The following KIF26B variants were observed in gnomAD, a reference collection of about 807,000 sequenced individuals.
KIF26B encodes kinesin family member 26B.
A neutral mutation model predicts 151.2 loss-of-function variants in KIF26B; 63 were observed. The observed-to-expected ratio is 0.42, with a 90% CI of 0.34 to 0.51. The LOEUF (loss-of-function observed/expected upper bound fraction) is 0.51, where lower values mean the gene tolerates loss of function less well. Ranked by LOEUF, KIF26B falls within the 20% of genes least tolerant of loss-of-function variation. The probability of loss-of-function intolerance (pLI) is 0.07; values close to 1 mark genes in which losing one functional copy is unlikely to be tolerated. For missense variants in KIF26B, 2,813 were observed against 2,913.6 expected (o/e 0.97, Z 0.79); for synonymous variants, 1,357 against 1,262.1 (o/e 1.08, Z -1.59).
intron 3 of KIF26B, among the ~76,000 whole-genome samples, chr1:245,389,966 A>C (rs140432449): frequency 3.5e-3 from 532 of 152,314 alleles, no homozygotes; most frequent in Non-Finnish European, 5.3e-3. Flanking sequence ...CTGAGTCCCT[A>C]AGACCCTTTC....
intron 2 of KIF26B, among the ~76,000 whole-genome samples, chr1:245,160,006 C>T (rs953705271): frequency 2.0e-5 from 3 of 152,132 alleles, no homozygotes; most frequent in Admixed American, 6.5e-5. Context: ...TTCCATGCAG[C>T]GAGTCTGAGC....
At chr1:245,324,537 A>G (rs186838393) in intron 2 of KIF26B, among the ~76,000 whole-genome samples, 1 of 152,198 alleles carries the variant, frequency 6.6e-6, no homozygotes, top group East Asian at 1.9e-4. Flanking sequence ...TGTCGAGAAT[A>G]AAATGAAGCT....
chr1:245,521,118 A>T (rs1661091993), intron 4 of KIF26B, among the ~76,000 whole-genome samples: 1 of 152,166 alleles, frequency 6.6e-6, no homozygotes, highest in Non-Finnish European at 1.5e-5. Context: ...CGGGCGGATC[A>T]CGAGGTCAGG....
chr1:245,190,351 A>T (rs572855558), intron 2 of KIF26B, among the ~76,000 whole-genome samples: 5 of 152,220 alleles, frequency 3.3e-5, no homozygotes, highest in African/African-American at 1.2e-4. Context: ...CCTAGGTCTT[A>T]TCAGAACTAA....
At chr1:245,265,089 G>GT (rs1475475095) in intron 2 of KIF26B, among the ~76,000 whole-genome samples, 1 of 150,260 alleles carries the variant, frequency 6.7e-6, no homozygotes, top group East Asian at 2.0e-4. Context: ...GTAGTCCCAG[G>GT]TACTCGGGAG....
rs747270986 is a variant in KIF26B, at chr1:245,698,065, A to G, written c.5825-41A>G. On this transcript the variant is annotated intron_variant, in intron 12 of 14. Coordinates refer to ENST00000407071, the MANE Select transcript of KIF26B (RefSeq NM_018012.4). The surrounding 1 kb of genome is among the most constrained non-coding windows in gnomAD (Gnocchi z 4.0). ...TCAAAAAAACAACAAAAAAATTGAAATTCAGAAAGACTAACTCTCTGGGCT... is the reference window on the plus strand; with the variant it reads ...TCAAAAAAACAACAAAAAAATTGAAGTTCAGAAAGACTAACTCTCTGGGCT... 1 of 1,558,754 alleles carries G rather than the reference A, an allele frequency of 6.4e-7. No individual in the cohort carries two copies. The highest frequency in any genetic ancestry group is 1.2e-5 in the South Asian group (1 of 84,526).
intron 3 of KIF26B, among the ~76,000 whole-genome samples, chr1:245,393,831 C>T (rs549012916): frequency 6.6e-6 from 1 of 152,294 alleles, no homozygotes; most frequent in East Asian, 1.9e-4. Context: ...CTAACTGAAC[C>T]TAGTGTGTTC....
chr1:245,476,919 A>G (rs1408325513), intron 4 of KIF26B, among the ~76,000 whole-genome samples: 2 of 151,798 alleles, frequency 1.3e-5, no homozygotes, highest in African/African-American at 4.8e-5. Flanking sequence ...AATGGAGCAT[A>G]TGTGTTGATG....
At chr1:245,456,468 C>G (rs1212400456) in intron 4 of KIF26B, among the ~76,000 whole-genome samples, 1 of 152,224 alleles carries the variant, frequency 6.6e-6, no homozygotes, top group Non-Finnish European at 1.5e-5. Context: ...TTCTGGAACC[C>G]ACTCCAATAC....
chr1:245,465,414 A>G (rs56308844), intron 4 of KIF26B, among the ~76,000 whole-genome samples: 124,443 of 151,698 alleles, frequency 0.82, 51,361 homozygotes, highest in African/African-American at 0.91. Context: ...GGAGGGGGAA[A>G]AGCATCACTG....
At chr1:245,373,963 C>T (rs1305111153) in intron 3 of KIF26B, among the ~76,000 whole-genome samples, 2 of 139,810 alleles carry the variant, frequency 1.4e-5, no homozygotes, top group South Asian at 2.5e-4. Flanking sequence ...GAGGGTGAGG[C>T]GAGAGGGTTC....
chr1:245,662,561 T>C (rs111310276), intron 10 of KIF26B, among the ~76,000 whole-genome samples: 20 of 50,890 alleles, frequency 3.9e-4, no homozygotes, highest in South Asian at 2.1e-3. Flanking sequence ...GATATATATA[T>C]ACACACACCC....
At chr1:245,196,413 T>C (rs190496229) in intron 2 of KIF26B, among the ~76,000 whole-genome samples, 15 of 152,336 alleles carry the variant, frequency 9.8e-5, no homozygotes, top group African/African-American at 2.9e-4. Flanking sequence ...ACAGCTCTTA[T>C]GATATCACTG....
chr1:245,416,752 C>T (rs1218746482), intron 3 of KIF26B, among the ~76,000 whole-genome samples: 1 of 152,132 alleles, frequency 6.6e-6, no homozygotes, highest in East Asian at 1.9e-4. Flanking sequence ...GTTTGAGGAC[C>T]TTGCCCGAGG....
chr1:245,504,970 G>A (rs531867368), intron 4 of KIF26B, among the ~76,000 whole-genome samples: 5 of 152,190 alleles, frequency 3.3e-5, no homozygotes, highest in South Asian at 2.1e-4. Context: ...AGAGAGTCTC[G>A]CTCTGTCACC....
intron 4 of KIF26B, among the ~76,000 whole-genome samples, chr1:245,531,067 C>T (rs539605689): frequency 2.4e-4 from 36 of 152,200 alleles, no homozygotes; most frequent in Non-Finnish European, 4.3e-4. Context: ...CTTTTATATC[C>T]TAATTCTGGC....
intron 5 of KIF26B, among the ~76,000 whole-genome samples, chr1:245,544,148 C>G (rs1661686255): frequency 6.6e-6 from 1 of 152,180 alleles, no homozygotes; most frequent in Admixed American, 6.5e-5. Flanking sequence ...TCATTAGGAA[C>G]AGCAGTTCTT....
chr1:245,565,607 G>C (rs1010633639), intron 5 of KIF26B, among the ~76,000 whole-genome samples: 8 of 152,030 alleles, frequency 5.3e-5, no homozygotes, highest in Non-Finnish European at 1.0e-4. Context: ...CGTTCTTGCC[G>C]GTCATTTGTA....
At position 245,611,879 on chromosome 1, in the gene KIF26B, C is replaced by T; in HGVS notation, c.2001C>T (p.His667=). Reference sequence around the variant, plus strand: ...CCGCCATTGCCTCCCGCAGGAGCCACCAACAGGACTGTGATGAGGACGACC... The same window carrying T: ...CCGCCATTGCCTCCCGCAGGAGCCATCAACAGGACTGTGATGAGGACGACC... ...LDAAIASRRS[H]QQDCDEDDHR... The change falls in exon 9 of 15, where the codon CAC becomes CAT. Residue 667 remains histidine (H), a synonymous_variant. Transcript: ENST00000407071. The T allele has an allele frequency of 4.3e-6, 7 of 1,613,876 alleles. No individual in the cohort carries two copies. The highest frequency in any genetic ancestry group is 3.4e-6 in the Non-Finnish European group (4 of 1,179,890).
Sources: allele counts gnomAD v4.1 joint callset (sites outside exome capture counted in the v4.1 genomes callset), GRCh38; gene constraint gnomAD v4.1.1; non-coding constraint Gnocchi (gnomAD v3.1); transcripts MANE v1.5; gene names NCBI Gene and HGNC (gene_info 2026-07-23, HGNC 2026-07-21).